GTF2F2: variants seen among roughly 807,000 people sequenced by gnomAD.
The protein encoded by GTF2F2 is ATP-dependent helicase GTF2F2.
A neutral mutation model predicts 42.2 loss-of-function variants in GTF2F2; 23 were observed. The ratio of observed to expected loss-of-function variants is 0.55; its 90% CI spans 0.39 to 0.77. The LOEUF (loss-of-function observed/expected upper bound fraction) is 0.77. GTF2F2 is among the 30% of genes least tolerant of loss of function. The pLI is 0.00. For missense variants in GTF2F2, 261 were observed against 287.2 expected (o/e 0.91, Z 0.66); for synonymous variants, 105 against 100.8 (o/e 1.04, Z -0.25).
rs1183722421 is a variant in GTF2F2 at position 45,284,407 on chromosome 13, T to C, written c.*846T>C. ...GACAGAAAACGTTAGTTTCAATTCC[T>C]GGGGCATTAAAATGTTGCTTTTCTC... On this transcript the variant is annotated 3_prime_UTR_variant, in exon 8 of 8. Transcript: ENST00000340473. 2 of 152,140 alleles carry C rather than the reference T, an allele frequency of 1.3e-5. No homozygotes were observed. Among genetic ancestry groups the C allele is most frequent in the Non-Finnish European group, 2.9e-5 (2 of 68,020 alleles). 9.4% of individuals were successfully genotyped at this position (152,140 alleles called of 1,614,324 possible). A position where few individuals can be genotyped will look rare whatever the true frequency, so the allele number is the denominator to read the frequency against.
At chr13:45,152,057 A>G (rs189133155) in intron 4 of GTF2F2, among the ~76,000 whole-genome samples, 284 of 151,992 alleles carry the variant, frequency 1.9e-3, no homozygotes, top group African/African-American at 6.6e-3. Flanking sequence ...CTGGGATTAC[A>G]GGCATGCGCC....
Position 45,154,452 on chromosome 13 carries a change from G to A in GTF2F2, c.304+2621G>A, listed in dbSNP as rs1323390079. Among the ~76,000 whole-genome samples the A allele has an allele frequency of 2.6e-5, 4 of 152,188 alleles. No individual in the cohort carries two copies. The South Asian group carries it at 6.2e-4, about 24-fold the overall frequency. The stretch of plus-strand genomic sequence containing the variant: ...ATAAGGATTATCTTGGCAGGGATAT[G>A]GAAGAGAATTAAGATTGTCATCCTT... On this transcript the variant is annotated intron_variant, in intron 4 of 7. Transcript: ENST00000340473.
At chr13:45,205,190 C>T (rs1236296972) in intron 4 of GTF2F2, among the ~76,000 whole-genome samples, 1 of 152,190 alleles carries the variant, frequency 6.6e-6, no homozygotes, top group East Asian at 1.9e-4. Flanking sequence ...GTTTAATTGA[C>T]TCACGGTTCC....
chr13:45,194,555 T>C (rs1402958179), intron 4 of GTF2F2: 2 of 1,608,010 alleles, frequency 1.2e-6, no homozygotes, highest in Non-Finnish European at 1.7e-6. Context: ...CTTCTGTTTA[T>C]TTTACGCTCC....
At chr13:45,272,867 C>T (rs1876857572) in intron 7 of GTF2F2, among the ~76,000 whole-genome samples, 1 of 151,132 alleles carries the variant, frequency 6.6e-6, no homozygotes, top group African/African-American at 2.4e-5. Flanking sequence ...GCAGTTCTCC[C>T]ACCTCAGCCT....
chr13:45,237,576 T>C (rs1255277243), intron 5 of GTF2F2, among the ~76,000 whole-genome samples: 1 of 152,232 alleles, frequency 6.6e-6, no homozygotes, highest in Non-Finnish European at 1.5e-5. Context: ...ATTTCTGTTA[T>C]AATTCTCATT....
intron 7 of GTF2F2, among the ~76,000 whole-genome samples, chr13:45,267,603 A>T (rs955003850): frequency 1.3e-5 from 2 of 152,122 alleles, no homozygotes; most frequent in Non-Finnish European, 2.9e-5. Context: ...AATTATCCTC[A>T]TGTTCATTTA....
chr13:45,128,400 C>A (rs1451771911), intron 1 of GTF2F2, among the ~76,000 whole-genome samples: 4 of 149,944 alleles, frequency 2.7e-5, no homozygotes, highest in African/African-American at 9.7e-5. Context: ...TGGTGAAACC[C>A]CATCTCTACT....
intron 5 of GTF2F2, among the ~76,000 whole-genome samples, chr13:45,250,453 A>G (rs1875832708): frequency 6.6e-6 from 1 of 152,128 alleles, no homozygotes. Flanking sequence ...TTGTCCTACC[A>G]TCCCTCCATC....
chr13:45,265,840 C>A (rs191142374), intron 6 of GTF2F2, among the ~76,000 whole-genome samples: 4 of 152,202 alleles, frequency 2.6e-5, no homozygotes, highest in Admixed American at 1.3e-4. Context: ...CGAAGCTAGT[C>A]CCCAGATTAT....
intron 7 of GTF2F2, among the ~76,000 whole-genome samples, chr13:45,277,245 G>T (rs964492515): frequency 2.8e-4 from 43 of 152,180 alleles, no homozygotes; most frequent in Non-Finnish European, 5.3e-4. Flanking sequence ...AATTTATAAA[G>T]AAGAGATTTA....
chr13:45,206,777 A>G (rs925289889), intron 4 of GTF2F2: 2 of 152,170 alleles, frequency 1.3e-5, no homozygotes, highest in African/African-American at 4.8e-5. Flanking sequence ...AAGAATTACT[A>G]AGGATAGGGG....
rs371132076 is a variant in GTF2F2 at position 45,212,467 on chromosome 13, C to CTTTTCTTTTCT, written c.386+4965_386+4966insTCTTTTCTTTT. ...TTCTTGTTTCTTTCTTTCTTTCTTT[C>CTTTTCTTTTCT]TTTCTTTCTTTCTTTCTTTCTTTCT... On this transcript the variant is annotated intron_variant, in intron 5 of 7. Coordinates refer to ENST00000340473, the MANE Select transcript of GTF2F2 (RefSeq NM_004128.3). Among the ~76,000 whole-genome samples the CTTTTCTTTTCT allele has an allele frequency of 7.6e-4, 42 of 55,134 alleles. 1 individual carries two copies. The highest frequency in any genetic ancestry group is 1.6e-3 in the Admixed American group (10 of 6,448). 36.2% of individuals were successfully genotyped at this position (55,134 alleles called of 152,430 possible).
chr13:45,197,509 CAA>C (rs1195927657), intron 4 of GTF2F2, among the ~76,000 whole-genome samples: 30 of 91,406 alleles, frequency 3.3e-4, no homozygotes, highest in Non-Finnish European at 3.5e-4. Context: ...ACCCTGTCTC[CAA>C]AAAAAAAAAA....
chr13:45,144,521 C>T (rs1870095332), intron 2 of GTF2F2, among the ~76,000 whole-genome samples: 2 of 133,646 alleles, frequency 1.5e-5, no homozygotes, highest in African/African-American at 5.8e-5. Flanking sequence ...AGTGCAGTGG[C>T]GCGATCTCGG....
At chr13:45,156,480 A>G (rs1311943762) in intron 4 of GTF2F2, among the ~76,000 whole-genome samples, 1 of 152,250 alleles carries the variant, frequency 6.6e-6, no homozygotes, top group African/African-American at 2.4e-5. Flanking sequence ...ATAAAAATTC[A>G]TTAAAGCAAA....
chr13:45,151,122 T>C (rs1354677329), intron 3 of GTF2F2, among the ~76,000 whole-genome samples: 1 of 152,176 alleles, frequency 6.6e-6, no homozygotes, highest in Non-Finnish European at 1.5e-5. Flanking sequence ...ACCCTTGGTC[T>C]CCTCTCTCCC....
chr13:45,161,915 G>T (rs1019471670), intron 4 of GTF2F2, among the ~76,000 whole-genome samples: 2 of 152,060 alleles, frequency 1.3e-5, no homozygotes, highest in African/African-American at 4.8e-5. Flanking sequence ...TTTCTTTTAG[G>T]TATAGTTTAC....
intron 4 of GTF2F2, among the ~76,000 whole-genome samples, chr13:45,168,971 C>CTTCCCTCCTTCCTCCCTCCTTCCCTCT: frequency 7.1e-6 from 1 of 140,264 alleles, no homozygotes; most frequent in African/African-American, 2.6e-5. Flanking sequence ...TCCTTACCTC[C>CTTCCCTCCTTCCTCCCTCCTTCCCTCT]TTCCCTCCTT....
Sources: allele counts gnomAD v4.1 joint callset (sites outside exome capture counted in the v4.1 genomes callset), GRCh38; gene constraint gnomAD v4.1.1; transcripts MANE v1.5; gene names NCBI Gene and HGNC (gene_info 2026-07-23, HGNC 2026-07-21).